Variants in RPL18A observed in about 807,000 individuals in gnomAD.
RPL18A encodes the protein large ribosomal subunit protein eL20.
For synonymous variants in RPL18A, 122 were observed against 96.9 expected (o/e 1.26, Z -1.52); for missense variants, 163 against 254.1 (o/e 0.64, Z 2.44).
intron 3 of RPL18A, chr19:17,862,472 C>G: frequency 4.4e-6 from 3 of 677,166 alleles, no homozygotes; most frequent in South Asian, 1.6e-5. Flanking sequence ...GGATCCACAT[C>G]ACCACTGTTT....
intron 2 of RPL18A, 39 bp downstream of exon 2, chr19:17,861,511 T>C (rs1359498069): frequency 6.7e-7 from 1 of 1,488,756 alleles, no homozygotes; most frequent in East Asian, 2.3e-5. Context: ...CTGGAGTGGA[T>C]TTGCGCCTCT....
intron 1 of RPL18A, 68 bp downstream of exon 1, chr19:17,860,042 G>A (rs2094274250): frequency 7.2e-7 from 1 of 1,395,190 alleles, no homozygotes. Flanking sequence ...GCCTGCATAA[G>A]TGGCGTGGGC....
At chr19:17,860,303 G>A (rs2094274857) in intron 1 of RPL18A, 5 of 407,588 alleles carry the variant, frequency 1.2e-5, no homozygotes, top group Non-Finnish European at 2.2e-5. Flanking sequence ...TTTCTGCAAC[G>A]TGGACGTGGC....
chr19:17,862,748 G>A lies in RPL18A; in HGVS notation c.329-170G>A, dbSNP rs181444696. On this transcript the variant is annotated intron_variant, in intron 3 of 4. Coordinates refer to ENST00000222247, the MANE Select transcript of RPL18A (RefSeq NM_000980.4). ...AGTGGCCAGTGACTGCAGGGACCCA[G>A]GCCTTGGGCTATCTCGCTTCCCCAC... 1.2e-4 allele frequency: 88 copies of A among 761,806 alleles called. No individual in the cohort carries two copies. The East Asian group carries it at 2.0e-3, about 17-fold the overall frequency. The allele number at this position is 761,806 out of a possible 1,614,324, so 47.2% of individuals were successfully genotyped here.
chr19:17,862,129 C>A lies in RPL18A; in HGVS notation c.234C>A (p.Phe78Leu). ...AGTCCCCCCTGCGGGTGAAGAACTT[C>A]GGGATCTGGCTGCGCTATGACTCCC... ...FEKSPLRVKN[F>L]GIWLRYDSRS... Residue 78 changes from phenylalanine (F) to leucine (L), a missense_variant, in exon 3 of 5, where the codon TTC becomes TTA. Physicochemically the swap from Phe to Leu is conservative, Grantham distance 22 (BLOSUM62 0). Transcript: ENST00000222247. The A allele has an allele frequency of 6.2e-7, 1 of 1,612,348 alleles. No homozygotes were observed.
intron 2 of RPL18A, chr19:17,861,754 G>A (rs2094277818): frequency 3.6e-6 from 2 of 548,340 alleles, no homozygotes; most frequent in Admixed American, 3.3e-5. Flanking sequence ...GGCCCTGTCT[G>A]TTAAGTGAGG....
intron 1 of RPL18A, chr19:17,860,257 C>T (rs1212343611): frequency 9.4e-6 from 4 of 424,102 alleles, no homozygotes; most frequent in East Asian, 3.7e-5. Context: ...GGCCCTAGCC[C>T]CGGCACCTCG....
intron 2 of RPL18A, 44 bp downstream of exon 2, chr19:17,861,516 G>A (rs777946213): frequency 1.9e-5 from 28 of 1,458,412 alleles, no homozygotes; most frequent in Non-Finnish European, 2.0e-5. Flanking sequence ...GTGGATTTGC[G>A]CCTCTTGGGA....
chr19:17,861,150 C>T (rs2094276571), intron 1 of RPL18A, 143 bp from the exon 2 acceptor site: 2 of 673,914 alleles, frequency 3.0e-6, no homozygotes, highest in East Asian at 2.7e-5. Context: ...CCTACAGTCA[C>T]CAAGAATCCA....
intron 3 of RPL18A, 159 bp downstream of exon 3, chr19:17,862,382 C>T (rs1013908338): frequency 5.9e-6 from 5 of 842,606 alleles, no homozygotes; most frequent in African/African-American, 3.4e-5. Context: ...TGGCGCTTTT[C>T]TGAGAGCCCT....
At chr19:17,861,975 TG>T in intron 2 of RPL18A, 118 bp from the exon 3 acceptor site, 1 of 1,192,872 alleles carries the variant, frequency 8.4e-7, no homozygotes, top group Non-Finnish European at 1.2e-6. Context: ...CACAAGAGTC[TG>T]GCCATAGAGT....
chr19:17,862,908 C>A lies in RPL18A; in HGVS notation c.329-10C>A. ...CAACACCGTCACCCTGGCCCCGCTC[C>A]TTTCCACAGACCGAGACATGGGTGC... is the stretch of plus-strand genomic sequence containing the variant. On this transcript the variant is annotated splice_polypyrimidine_tract_variant and intron_variant, in intron 3 of 4. Transcript: ENST00000222247. 6.2e-7 allele frequency: 1 copy of A among 1,604,064 alleles called. No individual in the cohort carries two copies.
At position 17,860,192 on chromosome 19, in the gene RPL18A, G is replaced by T. The variant is rs58265522; in HGVS notation, c.18+218G>T. On this transcript the variant is annotated intron_variant, in intron 1 of 4. Coordinates refer to ENST00000222247, the MANE Select transcript of RPL18A (RefSeq NM_000980.4). ...CTGGGCCAGCTCAGGGATCGCGGGG[G>T]CCCAAGGACTCCGGGTCTTCTTCCC... 7.2e-3 allele frequency: 3,737 copies of T among 518,010 alleles called. 101 individuals carry two copies. The highest frequency in any genetic ancestry group is 0.067 in the African/African-American group (3,305 of 49,294). The allele number at this position is 518,010 out of a possible 1,614,324, so 32.1% of individuals were successfully genotyped here.
Position 17,863,003 on chromosome 19 carries a change from C to G in RPL18A, c.414C>G (p.Arg138=). ...AGGAGATCGCGGCCAGCAAGTGCCG[C>G]CGGCCGGCTGTCAAGCAGTTCCACG... is the stretch of plus-strand genomic sequence containing the variant. ...KVEEIAASKC[R]RPAVKQFHDS... is the part of the protein sequence containing the mutation. The change falls in exon 4 of 5, where the codon CGC becomes CGG. Residue 138 remains arginine (R), a synonymous_variant. Coordinates refer to ENST00000222247, the MANE Select transcript of RPL18A (RefSeq NM_000980.4). 1 of 1,612,074 alleles carries G rather than the reference C, an allele frequency of 6.2e-7. No individual in the cohort carries two copies. Among genetic ancestry groups the G allele is most frequent in the Non-Finnish European group, 8.5e-7 (1 of 1,179,092 alleles).
In RPL18A at chr19:17,861,485, C is replaced by G. The variant is rs376844639; in HGVS notation, c.198+13C>G. The G allele has an allele frequency of 6.4e-7, 1 of 1,568,384 alleles. No individual in the cohort carries two copies. Among genetic ancestry groups the G allele is most frequent in the African/African-American group, 1.3e-5 (1 of 74,220 alleles). ...CTACTGTGGGCAGGTATGGAGAGGC[C>G]GGGGCTACGTGGGGTCTGGAGTGGA... On this transcript the variant is annotated intron_variant, in intron 2 of 4. Coordinates refer to ENST00000222247, the MANE Select transcript of RPL18A (RefSeq NM_000980.4).
At position 17,861,060 on chromosome 19, in the gene RPL18A, C is replaced by A. The variant is rs1186702309; in HGVS notation, c.19-233C>A. On this transcript the variant is annotated intron_variant, in intron 1 of 4. Coordinates refer to ENST00000222247, the MANE Select transcript of RPL18A (RefSeq NM_000980.4). ...ACCCTTAGCCCAGGCAAAGGAGAGG[C>A]AGGCAACTCAATTAATCCTCCCTGG... 4 of 549,308 alleles carry A rather than the reference C, an allele frequency of 7.3e-6. No homozygotes were observed. In the East Asian group the frequency reaches 1.2e-4, roughly 17 times the overall value. The allele number at this position is 549,308 out of a possible 1,614,324, so 34.0% of individuals were successfully genotyped here.
At position 17,863,250 on chromosome 19, in the gene RPL18A, A is replaced by C. The variant is rs992154871; in HGVS notation, c.518A>C (p.Asn173Thr). The change falls in exon 5 of 5, where the codon AAC becomes ACC. Residue 173 changes from asparagine (N) to threonine (T), a missense_variant. Physicochemically the swap from Asn to Thr is moderately conservative, Grantham distance 65. Coordinates refer to ENST00000222247, the MANE Select transcript of RPL18A (RefSeq NM_000980.4). The stretch of plus-strand genomic sequence containing the variant: ...CCACGCTTCACCACCAAGAGGCCCA[A>C]CACCTTCTTCTAGGTGCAGGGCCCT... ...HKPRFTTKRP[N>T]TFF The C allele has an allele frequency of 4.4e-6, 7 of 1,590,190 alleles. No homozygotes were observed. The highest frequency in any genetic ancestry group is 6.0e-6 in the Non-Finnish European group (7 of 1,160,490).
rs932593492 is a variant in RPL18A, at chr19:17,861,217, G to T, written c.19-76G>T. On this transcript the variant is annotated intron_variant, in intron 1 of 4. Coordinates refer to ENST00000222247, the MANE Select transcript of RPL18A (RefSeq NM_000980.4). ...CTTCCCGAATCTGTGGTCACTAGAT[G>T]TAGGAAAGGGAGTGAGGTGGATCTC... 2.2e-6 allele frequency: 3 copies of T among 1,377,466 alleles called. No homozygotes were observed. The South Asian group carries it at 3.6e-5, about 17-fold the overall frequency. The allele number at this position is 1,377,466 out of a possible 1,614,324, so 85.3% of individuals were successfully genotyped here.
At position 17,861,036 on chromosome 19, in the gene RPL18A, C is replaced by T. The variant is rs1349833818; in HGVS notation, c.19-257C>T. The T allele has an allele frequency of 5.7e-6, 3 of 524,052 alleles. No homozygotes were observed. The African/African-American group carries it at 5.8e-5, about 10-fold the overall frequency. 32.5% of individuals were successfully genotyped at this position (524,052 alleles called of 1,614,324 possible). A position where few individuals can be genotyped will look rare whatever the true frequency, so the allele number is the denominator to read the frequency against. ...AAGCCACAGCTTTCCTGGTCTGAAA[C>T]CCTTAGCCCAGGCAAAGGAGAGGCA... On this transcript the variant is annotated intron_variant, in intron 1 of 4. Transcript: ENST00000222247.
Sources: allele counts gnomAD v4.1 joint callset, GRCh38; gene constraint gnomAD v4.1.1; transcripts MANE v1.5; gene names NCBI Gene and HGNC (gene_info 2026-07-23, HGNC 2026-07-21).